Variants in HERC1 observed in about 807,000 individuals in gnomAD.
HERC1 encodes probable E3 ubiquitin-protein ligase HERC1.
Under a neutral mutation model 554.3 loss-of-function variants are expected in HERC1, and 160 were observed. The observed-to-expected ratio is 0.29, with a 90% CI of 0.25 to 0.33. The LOEUF is 0.33. HERC1 is among the 10% of genes least tolerant of loss of function. The pLI is 1.00. For synonymous variants in HERC1, 2,175 were observed against 2,131.7 expected (o/e 1.02, Z -0.56); for missense variants, 4,919 against 5,918.5 (o/e 0.83, Z 5.54).
chr15:63,684,705 G>A (rs776361155), intron 34 of HERC1, among the ~76,000 whole-genome samples: 3 of 151,392 alleles, frequency 2.0e-5, no homozygotes, highest in Non-Finnish European at 2.9e-5. Context: ...ACCTTCTAGC[G>A]GGGGAAAAAA....
rs187940173 is a variant in HERC1 at position 63,654,211 on chromosome 15, G to T, written c.10198C>A (p.Arg3400Ser). ...GTCTGCAGAGTAGTTTGGTTGTCAC[G>T]GTCGTGTGCAGCAAGAGTGCGCACG... ...QLVRTLAAHD[R>S]DNQTTLQTLA... Residue 3400 changes from arginine to serine, a missense_variant, in exon 51 of 78, where the codon CGT (arginine) becomes AGT (serine). Arg to Ser is a moderately radical substitution (Grantham distance 110). Around this residue, in one of 11 missense-constraint regions of HERC1, gnomAD observed 1,963 missense variants for 2,228.6 expected, o/e 0.88. Coordinates refer to ENST00000443617, the MANE Select transcript of HERC1 (RefSeq NM_003922.4). 6.2e-7 allele frequency: 1 copy of T among 1,613,972 alleles called. No individual in the cohort carries two copies. The highest frequency in any genetic ancestry group is 1.3e-5 in the African/African-American group (1 of 75,048).
At chr15:63,741,001 G>A (rs975385317) in intron 12 of HERC1, among the ~76,000 whole-genome samples, 1 of 151,874 alleles carries the variant, frequency 6.6e-6, no homozygotes, top group South Asian at 2.1e-4. Context: ...CTAATCCAAG[G>A]TGATAAAGAT....
At chr15:63,648,310 T>C (rs2069464997) in intron 54 of HERC1, 111 bp from the exon 55 acceptor site, 2 of 1,088,386 alleles carry the variant, frequency 1.8e-6, no homozygotes, top group South Asian at 1.6e-5. Flanking sequence ...TGCAAGTAAA[T>C]TTCCAAATAG....
At chr15:63,708,081 A>T (rs1214275432) in intron 24 of HERC1, among the ~76,000 whole-genome samples, 1 of 152,164 alleles carries the variant, frequency 6.6e-6, no homozygotes, top group Non-Finnish European at 1.5e-5. Flanking sequence ...CCTATGTATC[A>T]ACAGAAATAA....
intron 63 of HERC1, 147 bp from the exon 64 acceptor site, chr15:63,637,790 AGTCCCGT>A (rs2068849760): frequency 2.0e-5 from 4 of 196,988 alleles, no homozygotes. Context: ...ATAACTATGC[AGTCCCGT>A]AACTCCTTGA....
intron 1 of HERC1, among the ~76,000 whole-genome samples, chr15:63,785,285 A>G (rs1016254383): frequency 6.6e-6 from 1 of 152,022 alleles, no homozygotes; most frequent in Non-Finnish European, 1.5e-5. Context: ...TTATCTGGGC[A>G]TGGTGGTACA....
chr15:63,610,870 G>A (rs572000050), intron 77 of HERC1, among the ~76,000 whole-genome samples: 2 of 152,338 alleles, frequency 1.3e-5, no homozygotes, highest in South Asian at 2.1e-4. Context: ...GAAGAGTGGG[G>A]ATGGAGACAG....
In HERC1 at chr15:63,674,881, G is replaced by T; in HGVS notation, c.7307C>A (p.Ser2436Tyr). ...TAGGCCTGTTCGCATATCTAAAGCG[G>T]ATTCACTCTCAGGTTTCTGCTCAAC... is the stretch of plus-strand genomic sequence containing the variant. ...GDVEQKPESE[S>Y]ALDMRTGLTS... The change falls in exon 38 of 78, where the codon TCC becomes TAC. Residue 2436 changes from serine (S) to tyrosine (Y), a missense_variant. Physicochemically the swap from Ser to Tyr is moderately radical, Grantham distance 144 (BLOSUM62 -2). Coordinates refer to ENST00000443617, the MANE Select transcript of HERC1 (RefSeq NM_003922.4). 1.9e-6 allele frequency: 3 copies of T among 1,613,900 alleles called. No homozygotes were observed. The highest frequency in any genetic ancestry group is 2.5e-6 in the Non-Finnish European group (3 of 1,179,808).
chr15:63,698,838 C>T lies in HERC1; in HGVS notation c.4795G>A (p.Val1599Met). ...HTLIENVVSF[V>M]SGDVGNAPGF... is the part of the protein sequence containing the mutation. ...GGGGCATTCCCCACATCTCCACTCA[C>T]AAAGCTTACAACATTTTCAATCAAA... Residue 1599 changes from valine to methionine, a missense_variant, in exon 26 of 78, where the codon GTG becomes ATG. Val to Met is a conservative substitution (Grantham distance 21, BLOSUM62 1). This residue lies in a region of HERC1 where 1,121 missense variants were observed against 1,244.0 expected (regional missense o/e 0.90). Transcript: ENST00000443617. The T allele has an allele frequency of 1.2e-6, 2 of 1,613,952 alleles. No individual in the cohort carries two copies. Among genetic ancestry groups the T allele is most frequent in the South Asian group, 2.2e-5 (2 of 91,086 alleles).
intron 68 of HERC1, among the ~76,000 whole-genome samples, chr15:63,631,578 C>A (rs868771667): frequency 6.6e-6 from 1 of 152,084 alleles, no homozygotes; most frequent in Admixed American, 6.6e-5. Flanking sequence ...TCGCTCTTGT[C>A]GCCCAGGCTG....
At chr15:63,639,840 T>C (rs1198557471) in intron 61 of HERC1, among the ~76,000 whole-genome samples, 1 of 152,202 alleles carries the variant, frequency 6.6e-6, no homozygotes, top group African/African-American at 2.4e-5. Flanking sequence ...CAGGAAAAGA[T>C]GCTAAGATAT....
chr15:63,671,580 G>A (rs1402667791), intron 39 of HERC1, among the ~76,000 whole-genome samples: 1 of 152,138 alleles, frequency 6.6e-6, no homozygotes, highest in African/African-American at 2.4e-5. Context: ...TGAAGCCACT[G>A]TATCAGAATC....
chr15:63,637,059 G>A (rs1032371681), intron 64 of HERC1: 6 of 454,782 alleles, frequency 1.3e-5, no homozygotes, highest in Non-Finnish European at 2.6e-5. Context: ...GCAAGCCGGG[G>A]GCTTGTACAG....
chr15:63,760,481 A>C (rs2075576092), intron 3 of HERC1, among the ~76,000 whole-genome samples: 1 of 151,072 alleles, frequency 6.6e-6, no homozygotes, highest in Non-Finnish European at 1.5e-5. Context: ...CAGAAATCTG[A>C]ATTACAAACC....
At position 63,640,331 on chromosome 15, in the gene HERC1, G is replaced by A. The variant is rs2068980809; in HGVS notation, c.11722C>T (p.His3908Tyr). The A allele has an allele frequency of 4.3e-6, 7 of 1,613,916 alleles. No homozygotes were observed. The highest frequency in any genetic ancestry group is 2.2e-5 in the East Asian group (1 of 44,888). Residue 3908 changes from histidine to tyrosine, a missense_variant, in exon 61 of 78, where the codon CAC (histidine) becomes TAC (tyrosine). This residue lies in a region of HERC1 where 1,963 missense variants were observed against 2,228.6 expected (regional missense o/e 0.88). Transcript: ENST00000443617. ...QLLCNPPVPP[H>Y]HQNCLPDPAS... ...GGGTCAGGGAGACAGTTCTGGTGGT[G>A]TGGTGGCACTGGAGGGTTACACAAC...
Position 63,747,473 on chromosome 15 carries a change from T to A in HERC1, c.2354+251A>T, listed in dbSNP as rs569829634. Among the ~76,000 whole-genome samples the A allele has an allele frequency of 1.1e-4, 16 of 151,788 alleles. No homozygotes were observed. The South Asian group carries it at 1.5e-3, about 14-fold the overall frequency. Reference sequence around the variant, plus strand: ...AGACACCATCTTAAAAAAAAAAAAATTTTGTCAAGTCATGAACAACAGTAA... The same window carrying A: ...AGACACCATCTTAAAAAAAAAAAAAATTTGTCAAGTCATGAACAACAGTAA... On this transcript the variant is annotated intron_variant, in intron 11 of 77. Coordinates refer to ENST00000443617, the MANE Select transcript of HERC1 (RefSeq NM_003922.4).
Position 63,727,649 on chromosome 15 carries a change from T to C in HERC1, c.3344A>G (p.His1115Arg). Reference sequence around the variant, plus strand: ...GCTCTTTTATTGTCTTTACTTACCATGAAGAGGCCACTGTAACTCCTGGTC... The same window carrying C: ...GCTCTTTTATTGTCTTTACTTACCACGAAGAGGCCACTGTAACTCCTGGTC... ...LEDQELQWPL[H>R]GGPELIDPAG... The change falls in exon 17 of 78, where the codon CAT becomes CGT. Residue 1115 changes from histidine to arginine, a missense_variant and splice_region_variant. By Grantham distance (29) the His-to-Arg change is conservative. This residue lies in a region of HERC1 where 1,121 missense variants were observed against 1,244.0 expected (regional missense o/e 0.90). Transcript: ENST00000443617. This position sits in a 1 kb window ranked among gnomAD's most constrained non-coding sequence, Gnocchi z 4.3. 1.2e-6 allele frequency: 2 copies of C among 1,608,236 alleles called. No individual in the cohort carries two copies. The highest frequency in any genetic ancestry group is 8.5e-7 in the Non-Finnish European group (1 of 1,176,824).
At chr15:63,744,165 T>TGTGTGTGTGTGTGA (rs58984935) in intron 12 of HERC1, among the ~76,000 whole-genome samples, 1 of 24,296 alleles carries the variant, frequency 4.1e-5, no homozygotes, top group Non-Finnish European at 1.4e-4. Flanking sequence ...TGTGTGTGTG[T>TGTGTGTGTGTGTGA]CTCTCTCTCT....
intron 2 of HERC1, among the ~76,000 whole-genome samples, chr15:63,773,029 A>G (rs1046633834): frequency 1.3e-5 from 2 of 152,210 alleles, no homozygotes; most frequent in Non-Finnish European, 2.9e-5. Flanking sequence ...AAAGCTTTCT[A>G]CTTGTTGCGG....
Sources: gnomAD v4.1 joint callset for allele counts (sites outside exome capture counted in the v4.1 genomes callset) on GRCh38, gnomAD v4.1.1 for gene constraint, gnomAD v4.1.1 regional missense constraint, Gnocchi (gnomAD v3.1) non-coding constraint, MANE v1.5 for transcripts, NCBI Gene and HGNC (gene_info 2026-07-23, HGNC 2026-07-21) for gene names.